INPP5A: variants seen among roughly 807,000 people sequenced by gnomAD.
The protein encoded by INPP5A is inositol polyphosphate-5-phosphatase A, also known as 43 kDa inositol polyphosphate 5-phophatase.
A neutral mutation model predicts 65.2 loss-of-function variants in INPP5A; 14 were observed. The ratio of observed to expected loss-of-function variants is 0.21; its 90% confidence interval spans 0.14 to 0.34. The LOEUF is 0.34. Among genes scored for constraint, INPP5A ranks in the 10% least tolerant of loss-of-function variants. The pLI is 1.00. For synonymous variants in INPP5A, 207 were observed against 208.3 expected (o/e 0.99, Z 0.05); for missense variants, 431 against 545.6 (o/e 0.79, Z 2.09).
At position 132,538,274 on chromosome 10, in the gene INPP5A, A is replaced by AGGC. The variant is rs377744450; in HGVS notation, c.75+103_75+104insGGC. 5.8e-6 allele frequency: 3 copies of AGGC among 513,824 alleles called. No homozygotes were observed. Among genetic ancestry groups the AGGC allele is most frequent in the Non-Finnish European group, 8.4e-6 (3 of 357,342 alleles). The allele number at this position is 513,824 out of a possible 1,614,324, so 31.8% of individuals were successfully genotyped here. On this transcript the variant is annotated intron_variant, in intron 1 of 15. Transcript: ENST00000368594. The surrounding 1 kb of genome is among the most constrained non-coding windows in gnomAD (Gnocchi z 4.1). ...TGGACCCTGGACCGTGAACCTCCAG[A>AGGC]CCCAGAGGCCCCAGACTCTGATCCC...
chr10:132,734,297 G>A (rs1483973151), intron 9 of INPP5A, among the ~76,000 whole-genome samples: 2 of 152,200 alleles, frequency 1.3e-5, no homozygotes, highest in African/African-American at 2.4e-5. Flanking sequence ...GAGGCTGTGC[G>A]CTTCTCCTTC....
intron 8 of INPP5A, among the ~76,000 whole-genome samples, chr10:132,715,294 C>T (rs918892169): frequency 6.6e-6 from 1 of 152,218 alleles, no homozygotes; most frequent in African/African-American, 2.4e-5. Context: ...TTTTACATTA[C>T]AACTGTGAAA....
intron 11 of INPP5A, among the ~76,000 whole-genome samples, chr10:132,759,087 A>G (rs1454942593): frequency 6.6e-6 from 1 of 152,232 alleles, no homozygotes; most frequent in Non-Finnish European, 1.5e-5. Context: ...TTTCCAGAGC[A>G]CTGTGCATGG....
At chr10:132,646,442 G>A (rs936042203) in intron 3 of INPP5A, among the ~76,000 whole-genome samples, 1 of 152,248 alleles carries the variant, frequency 6.6e-6, no homozygotes, top group East Asian at 1.9e-4. Flanking sequence ...TGACAGGGCC[G>A]GCCCAACTGG....
chr10:132,675,691 T>C lies in INPP5A; in HGVS notation c.307-14701T>C, dbSNP rs1380259146. Among the ~76,000 whole-genome samples, 1 of 152,222 alleles carries C rather than the reference T, an allele frequency of 6.6e-6. No individual in the cohort carries two copies. The highest frequency in any genetic ancestry group is 1.5e-5 in the Non-Finnish European group (1 of 68,044). ...CGTGTGCCCTTGGAATACTGCTGTT[T>C]TAGCATTTCTGGGGACCGGGAACTA... On this transcript the variant is annotated intron_variant, in intron 4 of 15. Coordinates refer to ENST00000368594, the MANE Select transcript of INPP5A (RefSeq NM_005539.5). The surrounding 1 kb of genome is among the most constrained non-coding windows in gnomAD (Gnocchi z 4.2).
At chr10:132,624,061 G>T (rs1467214980) in intron 2 of INPP5A, among the ~76,000 whole-genome samples, 1 of 152,208 alleles carries the variant, frequency 6.6e-6, no homozygotes, top group Non-Finnish European at 1.5e-5. Flanking sequence ...TCCTATGCCT[G>T]CTGCTGGCCC....
chr10:132,741,631 C>A lies in INPP5A; in HGVS notation c.733-7886C>A, dbSNP rs11146488. ...ACCCCGGCCCTCGTCACACCCAGAACAGGATACCCCGGAATGAAGGTGGAC... is the reference window on the plus strand; with the variant it reads ...ACCCCGGCCCTCGTCACACCCAGAAAAGGATACCCCGGAATGAAGGTGGAC... On this transcript the variant is annotated intron_variant, in intron 9 of 15. Coordinates refer to ENST00000368594, the MANE Select transcript of INPP5A (RefSeq NM_005539.5). The surrounding 1 kb of genome is among the most constrained non-coding windows in gnomAD (Gnocchi z 4.4). 2.0e-5 allele frequency among the ~76,000 whole-genome samples: 3 copies of A among 152,150 alleles called. No homozygotes were observed. The highest frequency in any genetic ancestry group is 2.0e-4 in the Admixed American group (3 of 15,268).
chr10:132,541,691 C>T (rs182862637), intron 1 of INPP5A, among the ~76,000 whole-genome samples: 74 of 152,324 alleles, frequency 4.9e-4, no homozygotes, highest in Admixed American at 4.7e-3. Flanking sequence ...AGGTGTTGGC[C>T]GTTCTTCCCT....
At chr10:132,718,498 T>G (rs1418855542) in intron 8 of INPP5A, among the ~76,000 whole-genome samples, 1 of 150,018 alleles carries the variant, frequency 6.7e-6, no homozygotes, top group African/African-American at 2.5e-5. Context: ...CTGGGCGCCT[T>G]AGATGGCTGT....
intron 1 of INPP5A, among the ~76,000 whole-genome samples, chr10:132,560,760 C>T (rs765249369): frequency 6.6e-6 from 1 of 152,184 alleles, no homozygotes; most frequent in Non-Finnish European, 1.5e-5. Context: ...TGTGTGTCAG[C>T]ATGCTTGGCT....
At chr10:132,718,504 G>T (rs1251713878) in intron 8 of INPP5A, among the ~76,000 whole-genome samples, 3 of 146,610 alleles carry the variant, frequency 2.0e-5, no homozygotes, top group Non-Finnish European at 4.5e-5. Flanking sequence ...GCCTTAGATG[G>T]CTGTCTTGCG....
At chr10:132,618,538 G>A (rs58310304) in intron 2 of INPP5A, among the ~76,000 whole-genome samples, 4,151 of 152,344 alleles carry the variant, frequency 0.027, 79 homozygotes, top group African/African-American at 0.046. Context: ...TTTTAAGAAT[G>A]ATGTGATAGG....
At chr10:132,749,256 C>T (rs979394625) in intron 9 of INPP5A, among the ~76,000 whole-genome samples, 5 of 151,660 alleles carry the variant, frequency 3.3e-5, no homozygotes, top group Admixed American at 6.6e-5. Flanking sequence ...CCCAAAGCAG[C>T]TCTGTGGGCG....
intron 1 of INPP5A, among the ~76,000 whole-genome samples, chr10:132,577,155 C>T (rs1423713175): frequency 6.6e-6 from 1 of 152,196 alleles, no homozygotes; most frequent in Non-Finnish European, 1.5e-5. Flanking sequence ...CAGGCAGGGC[C>T]GCTGCACCTG....
rs1309652151 is a variant in INPP5A at position 132,555,800 on chromosome 10, G to A, written c.75+17629G>A. Among the ~76,000 whole-genome samples the A allele has an allele frequency of 6.6e-6, 1 of 152,178 alleles. No individual in the cohort carries two copies. Among genetic ancestry groups the A allele is most frequent in the Non-Finnish European group, 1.5e-5 (1 of 68,034 alleles). ...GTGTTTTGTTGCCCTCAGCACGTGT[G>A]GTCTGCACAGACAGACCAGGGGGTG... On this transcript the variant is annotated intron_variant, in intron 1 of 15. Coordinates refer to ENST00000368594, the MANE Select transcript of INPP5A (RefSeq NM_005539.5). This position sits in a 1 kb window ranked among gnomAD's most constrained non-coding sequence, Gnocchi z 4.4.
chr10:132,604,725 G>A (rs779046241), intron 1 of INPP5A, among the ~76,000 whole-genome samples: 13 of 152,232 alleles, frequency 8.5e-5, no homozygotes, highest in South Asian at 2.1e-4. Context: ...ATGGAAAAAC[G>A]CTGGGATTAG....
At chr10:132,701,165 T>C (rs1845430613) in intron 6 of INPP5A, among the ~76,000 whole-genome samples, 1 of 152,198 alleles carries the variant, frequency 6.6e-6, no homozygotes, top group Admixed American at 6.5e-5. Flanking sequence ...TGAAACCGGC[T>C]GGATTCGCTA....
chr10:132,624,276 C>G (rs78237308), intron 2 of INPP5A, among the ~76,000 whole-genome samples: 4,146 of 152,308 alleles, frequency 0.027, 79 homozygotes, highest in African/African-American at 0.046. Context: ...CACATGGAAG[C>G]GGGGGAGCTG....
intron 1 of INPP5A, among the ~76,000 whole-genome samples, chr10:132,570,044 C>G (rs931399606): frequency 6.7e-6 from 1 of 148,316 alleles, no homozygotes; most frequent in Non-Finnish European, 1.5e-5. Flanking sequence ...AGGTGATCCA[C>G]TCACCTCAGT....
Sources: allele counts gnomAD v4.1 joint callset (sites outside exome capture counted in the v4.1 genomes callset), GRCh38; gene constraint gnomAD v4.1.1; non-coding constraint Gnocchi (gnomAD v3.1); transcripts MANE v1.5; gene names NCBI Gene and HGNC (gene_info 2026-07-23, HGNC 2026-07-21).